Variants in KIF6 observed in about 807,000 individuals in gnomAD.
The protein encoded by KIF6 is kinesin-like protein KIF6.
A neutral mutation model predicts 112.7 loss-of-function variants in KIF6; 106 were observed. That is an observed-to-expected ratio of 0.94 (90% confidence interval 0.80 to 1.11). The LOEUF (loss-of-function observed/expected upper bound fraction) is 1.11. KIF6 is among the 50% of genes least tolerant of loss of function. The probability of loss-of-function intolerance (pLI) is 0.00; values close to 1 mark genes in which losing one functional copy is unlikely to be tolerated. For synonymous variants in KIF6, 339 were observed against 339.9 expected, an observed-to-expected ratio of 1.00 and a Z score of 0.03; for missense variants, 929 against 964.0, an observed-to-expected ratio of 0.96 and a Z score of 0.48.
intron 16 of KIF6, among the ~76,000 whole-genome samples, chr6:39,365,458 G>A (rs1214791301): frequency 6.6e-6 from 1 of 152,126 alleles, no homozygotes; most frequent in African/African-American, 2.4e-5. Flanking sequence ...TGCTCTTAGT[G>A]TCTTCCCCCA....
intron 5 of KIF6, among the ~76,000 whole-genome samples, chr6:39,631,707 T>G (rs1287969713): frequency 3.1e-5 from 4 of 127,302 alleles, no homozygotes; most frequent in African/African-American, 5.5e-5. Context: ...AGTCTGTAGT[T>G]TTTTTTTTTG....
At chr6:39,344,203 G>A (rs1396142157) in intron 21 of KIF6, among the ~76,000 whole-genome samples, 2 of 152,176 alleles carry the variant, frequency 1.3e-5, no homozygotes, top group African/African-American at 4.8e-5. Flanking sequence ...GTTTTCATAC[G>A]AGGTTTCCCC....
intron 13 of KIF6, 46 bp from the exon 14 acceptor site, chr6:39,431,207 C>G: frequency 8.9e-7 from 1 of 1,123,340 alleles, no homozygotes; most frequent in South Asian, 1.3e-5. Flanking sequence ...GCATCAGGAT[C>G]CTATTAATTT....
intron 4 of KIF6, among the ~76,000 whole-genome samples, chr6:39,635,854 C>T (rs1261473812): frequency 2.6e-5 from 4 of 152,114 alleles, no homozygotes; most frequent in South Asian, 4.2e-4. Context: ...ACAAATGCTT[C>T]CATTTCCGCA....
chr6:39,336,991 T>C (rs1456724960), intron 22 of KIF6, among the ~76,000 whole-genome samples: 2 of 149,690 alleles, frequency 1.3e-5, no homozygotes, highest in Admixed American at 6.6e-5. Flanking sequence ...TCTCCCCTTC[T>C]TTCCTTCCTT....
chr6:39,445,658 G>T (rs1772261545), intron 13 of KIF6, among the ~76,000 whole-genome samples: 1 of 152,220 alleles, frequency 6.6e-6, no homozygotes, highest in Non-Finnish European at 1.5e-5. Flanking sequence ...GACTGGGAGA[G>T]AGCAGAGAAG....
At chr6:39,587,954 A>G (rs1781725551) in intron 7 of KIF6, among the ~76,000 whole-genome samples, 1 of 152,190 alleles carries the variant, frequency 6.6e-6, no homozygotes, top group South Asian at 2.1e-4. Context: ...ATCTTACTAG[A>G]CTTCTGAGCT....
chr6:39,427,764 A>T (rs756881815), intron 14 of KIF6, among the ~76,000 whole-genome samples: 4 of 152,174 alleles, frequency 2.6e-5, no homozygotes, highest in African/African-American at 4.8e-5. Context: ...AGGTATGTTT[A>T]AACTCAAAAG....
chr6:39,618,642 A>T (rs1438121423), intron 5 of KIF6, among the ~76,000 whole-genome samples: 1 of 152,130 alleles, frequency 6.6e-6, no homozygotes, highest in Non-Finnish European at 1.5e-5. Context: ...CAAATCACAA[A>T]ATCTAATTAA....
At chr6:39,683,761 T>A (rs1310733229) in intron 3 of KIF6, among the ~76,000 whole-genome samples, 5 of 152,088 alleles carry the variant, frequency 3.3e-5, no homozygotes, top group Non-Finnish European at 2.9e-5. Flanking sequence ...TAGGATAGTG[T>A]GTATCTGTTT....
At chr6:39,402,991 T>C (rs1461305539) in intron 15 of KIF6, among the ~76,000 whole-genome samples, 2 of 152,106 alleles carry the variant, frequency 1.3e-5, no homozygotes, top group East Asian at 1.9e-4. Flanking sequence ...CACCACAACC[T>C]GTATCATCAA....
At chr6:39,676,535 T>A (rs1449606930) in intron 3 of KIF6, among the ~76,000 whole-genome samples, 1 of 152,068 alleles carries the variant, frequency 6.6e-6, no homozygotes, top group African/African-American at 2.4e-5. Context: ...ACACGGGGAA[T>A]AAGCTAAACA....
At chr6:39,438,102 C>T (rs953835726) in intron 13 of KIF6, among the ~76,000 whole-genome samples, 5 of 152,000 alleles carry the variant, frequency 3.3e-5, no homozygotes, top group Non-Finnish European at 5.9e-5. Flanking sequence ...CTCAGCCACC[C>T]GAGTAACAGG....
chr6:39,701,487 A>G (rs943681743), intron 3 of KIF6, among the ~76,000 whole-genome samples: 3 of 152,252 alleles, frequency 2.0e-5, no homozygotes, highest in Non-Finnish European at 4.4e-5. Context: ...CTGCTGGAGC[A>G]TAACAACTTG....
intron 16 of KIF6, among the ~76,000 whole-genome samples, chr6:39,363,588 G>A (rs970874614): frequency 1.3e-5 from 2 of 152,128 alleles, no homozygotes; most frequent in South Asian, 2.1e-4. Flanking sequence ...GAGTCTCTTC[G>A]TGGTTGCCCT....
intron 13 of KIF6, among the ~76,000 whole-genome samples, chr6:39,502,184 C>G (rs1211190013): frequency 6.6e-6 from 1 of 152,130 alleles, no homozygotes; most frequent in Non-Finnish European, 1.5e-5. Context: ...GGCCAATACT[C>G]AACATTCTTA....
At chr6:39,583,886 A>G (rs1330473352) in intron 9 of KIF6, among the ~76,000 whole-genome samples, 1 of 151,902 alleles carries the variant, frequency 6.6e-6, no homozygotes, top group Non-Finnish European at 1.5e-5. Flanking sequence ...GAAAACTAAC[A>G]AAATAGAGAA....
At chr6:39,379,096 T>G (rs898976823) in intron 16 of KIF6, among the ~76,000 whole-genome samples, 3 of 152,218 alleles carry the variant, frequency 2.0e-5, no homozygotes, top group African/African-American at 7.2e-5. Context: ...AATTCTGGCT[T>G]GTATTTAGTT....
rs192111713 is a variant in KIF6, at chr6:39,534,032, A to G, written c.1645+5971T>C. Among the ~76,000 whole-genome samples the G allele has an allele frequency of 1.8e-3, 275 of 152,344 alleles. 1 individual carries two copies. Among genetic ancestry groups the G allele is most frequent in the Non-Finnish European group, 3.3e-3 (222 of 68,038 alleles). Reference sequence around the variant, plus strand: ...TGTTAGAAGGAAAACTAACAAACAGAAAGGACATCCACACCAAAAACCCAT... The same window carrying G: ...TGTTAGAAGGAAAACTAACAAACAGGAAGGACATCCACACCAAAAACCCAT... On this transcript the variant is annotated intron_variant, in intron 13 of 22. Transcript: ENST00000287152.
Sources: gnomAD v4.1 joint callset for allele counts (sites outside exome capture counted in the v4.1 genomes callset) on GRCh38, gnomAD v4.1.1 for gene constraint, MANE v1.5 for transcripts, NCBI Gene and HGNC (gene_info 2026-07-23, HGNC 2026-07-21) for gene names.